The following DUOXA1 variants were observed in gnomAD, a reference collection of about 807,000 sequenced individuals.
DUOXA1 encodes dual oxidase maturation factor 1.
DUOXA1 carries 19 observed loss-of-function variants against 26.6 expected under a neutral mutation model. The observed-to-expected ratio is 0.71, with a 90% CI of 0.50 to 1.05. The LOEUF (loss-of-function observed/expected upper bound fraction) is 1.05, where lower values mean the gene tolerates loss of function less well. Among genes scored for constraint, DUOXA1 ranks in the 50% least tolerant of loss-of-function variants. DUOXA1 has a pLI of 0.00. For missense variants in DUOXA1, 403 were observed against 427.5 expected, an observed-to-expected ratio of 0.94 and a Z score of 0.51; for synonymous variants, 166 against 177.0, an observed-to-expected ratio of 0.94 and a Z score of 0.49.
chr15:45,127,395 C>T (rs578052767), intron 3 of DUOXA1, among the ~76,000 whole-genome samples: 6 of 152,226 alleles, frequency 3.9e-5, no homozygotes, highest in East Asian at 1.9e-4. Context: ...AAAGGCTTTT[C>T]GTATTTTAAG....
In DUOXA1 at chr15:45,120,694, G is replaced by A; in HGVS notation, c.452C>T (p.Pro151Leu). ...EYAKALEKGL[P>L]DPVLYLAEKF... is the part of the protein sequence containing the mutation. ...CTCAGCTAGGTACAACACAGGGTCT[G>A]GCAGCCCCTTCTCCAGAGCCTTTGC... is the stretch of plus-strand genomic sequence containing the variant. Residue 151 changes from proline to leucine, a missense_variant, in exon 7 of 9, where the codon CCA becomes CTA. Coordinates refer to ENST00000560572, the MANE Select transcript of DUOXA1 (RefSeq NM_001276266.2). The A allele has an allele frequency of 6.2e-7, 1 of 1,614,132 alleles. No individual in the cohort carries two copies. The highest frequency in any genetic ancestry group is 8.5e-7 in the Non-Finnish European group (1 of 1,180,010).
At position 45,118,717 on chromosome 15, in the gene DUOXA1, G is replaced by A; in HGVS notation, c.*389C>T. 1.8e-5 allele frequency: 18 copies of A among 1,002,598 alleles called. No individual in the cohort carries two copies. Among genetic ancestry groups the A allele is most frequent in the Non-Finnish European group, 2.1e-5 (18 of 841,924 alleles). 62.1% of individuals were successfully genotyped at this position (1,002,598 alleles called of 1,614,324 possible). On this transcript the variant is annotated 3_prime_UTR_variant, in exon 9 of 9. Transcript: ENST00000560572. ...GAAAAAGGAAAACAAGAGGTGCCGA[G>A]GGATGAGAGGAAACCATAGGAGAAT... is the stretch of plus-strand genomic sequence containing the variant.
At chr15:45,124,767 C>T (rs1438778092) in intron 3 of DUOXA1, among the ~76,000 whole-genome samples, 2 of 152,174 alleles carry the variant, frequency 1.3e-5, no homozygotes, top group Non-Finnish European at 2.9e-5. Flanking sequence ...CCATCCTTGG[C>T]CTCCCAAAGT....
intron 3 of DUOXA1, among the ~76,000 whole-genome samples, chr15:45,128,342 C>T (rs1414441765): frequency 2.6e-5 from 4 of 152,198 alleles, no homozygotes; most frequent in Non-Finnish European, 4.4e-5. Context: ...GCCCACCTCC[C>T]CCATCTGCTG....
At position 45,118,309 on chromosome 15, in the gene DUOXA1, G is replaced by A. The variant is rs1894824320; in HGVS notation, c.*797C>T. ...CTAGCATCTTTCTGAACCACCCCAG[G>A]GGGACGTTAGGTGGCAGTGATGAGG... On this transcript the variant is annotated 3_prime_UTR_variant, in exon 9 of 9. Coordinates refer to ENST00000560572, the MANE Select transcript of DUOXA1 (RefSeq NM_001276266.2). 1 of 1,258,590 alleles carries A rather than the reference G, an allele frequency of 7.9e-7. No homozygotes were observed. The highest frequency in any genetic ancestry group is 1.0e-6 in the Non-Finnish European group (1 of 1,001,384). The allele number at this position is 1,258,590 out of a possible 1,614,324, so 78.0% of individuals were successfully genotyped here. A position where few individuals can be genotyped will look rare whatever the true frequency, so the allele number is the denominator to read the frequency against.
At position 45,118,478 on chromosome 15, in the gene DUOXA1, CAAGGCATAGAAAG is replaced by C. The variant is rs905465121; in HGVS notation, c.*615_*627del. 9.9e-7 allele frequency: 1 copy of C among 1,005,130 alleles called. No homozygotes were observed. The highest frequency in any genetic ancestry group is 5.5e-5 in the Admixed American group (1 of 18,104). The allele number at this position is 1,005,130 out of a possible 1,614,324, so 62.3% of individuals were successfully genotyped here. On this transcript the variant is annotated 3_prime_UTR_variant, in exon 9 of 9. Transcript: ENST00000560572. ...GTTTGAGGGCCAAGGTAGGTGTCAG[CAAGGCATAGAAAG>C]ATAAATCCCAAGATTCTTGGCAAGT...
rs535825448 is a variant in DUOXA1, at chr15:45,117,660, G to A, written c.*1446C>T. On this transcript the variant is annotated 3_prime_UTR_variant, in exon 9 of 9. Coordinates refer to ENST00000560572, the MANE Select transcript of DUOXA1 (RefSeq NM_001276266.2). The stretch of plus-strand genomic sequence containing the variant: ...GAGGCCAGAGTTCGAGACCAGCCTG[G>A]GCAACATAGCCCTGACTCCACATGC... 3.4e-5 allele frequency: 55 copies of A among 1,613,668 alleles called. No individual in the cohort carries two copies. Among genetic ancestry groups the A allele is most frequent in the Non-Finnish European group, 4.3e-5 (51 of 1,179,912 alleles).
rs1894881512 is a variant in DUOXA1 at position 45,119,019 on chromosome 15, C to T, written c.*87G>A. Reference sequence around the variant, plus strand: ...GTGCTGGGTGTCTGGTAACAGCCACCCTGAGGGCAGTTCTGCTGGTTTTAT... The same window carrying T: ...GTGCTGGGTGTCTGGTAACAGCCACTCTGAGGGCAGTTCTGCTGGTTTTAT... On this transcript the variant is annotated 3_prime_UTR_variant, in exon 9 of 9. Transcript: ENST00000560572. 1 of 1,500,048 alleles carries T rather than the reference C, an allele frequency of 6.7e-7. No homozygotes were observed. The highest frequency in any genetic ancestry group is 8.9e-7 in the Non-Finnish European group (1 of 1,124,198). 92.9% of individuals were successfully genotyped at this position (1,500,048 alleles called of 1,614,324 possible).
In DUOXA1 at chr15:45,118,107, CTG is replaced by C; in HGVS notation, c.*997_*998del. The C allele has an allele frequency of 6.7e-7, 1 of 1,486,592 alleles. No homozygotes were observed. The highest frequency in any genetic ancestry group is 1.4e-5 in the African/African-American group (1 of 71,020). 92.1% of individuals were successfully genotyped at this position (1,486,592 alleles called of 1,614,324 possible). A position where few individuals can be genotyped will look rare whatever the true frequency, so the allele number is the denominator to read the frequency against. ...CTTTTTTTCTTTTGTTTTTTAAAAA[CTG>C]TTTTTCCCATTAATTTTCATGGCTT... is the stretch of plus-strand genomic sequence containing the variant. On this transcript the variant is annotated 3_prime_UTR_variant, in exon 9 of 9. Coordinates refer to ENST00000560572, the MANE Select transcript of DUOXA1 (RefSeq NM_001276266.2).
chr15:45,117,775 G>T lies in DUOXA1; in HGVS notation c.*1331C>A, dbSNP rs746815709. ...GAGTCTCCAGTATGTTCGGCCCAGC[G>T]CTCTTCGCACCCTTCTGGACCAAAG... On this transcript the variant is annotated 3_prime_UTR_variant, in exon 9 of 9. Transcript: ENST00000560572. The T allele has an allele frequency of 1.9e-6, 3 of 1,613,892 alleles. No individual in the cohort carries two copies. The East Asian group carries it at 6.7e-5, about 36-fold the overall frequency.
rs1894884217 is a variant in DUOXA1 at position 45,119,051 on chromosome 15, C to T, written c.*55G>A. 3.3e-6 allele frequency: 5 copies of T among 1,527,084 alleles called. No individual in the cohort carries two copies. Among genetic ancestry groups the T allele is most frequent in the Admixed American group, 2.0e-5 (1 of 50,498 alleles). The allele number at this position is 1,527,084 out of a possible 1,614,324, so 94.6% of individuals were successfully genotyped here. On this transcript the variant is annotated 3_prime_UTR_variant, in exon 9 of 9. Transcript: ENST00000560572. ...GCAGTTCTGCTGGTTTTATGGGGCG[C>T]CAATGAGGTTTGGAGCCAGACTGGA...
rs758651908 is a variant in DUOXA1, at chr15:45,117,545, A to G, written c.*1561T>C. On this transcript the variant is annotated 3_prime_UTR_variant, in exon 9 of 9. Transcript: ENST00000560572. ...TTAGAGGTGTGTGGCGGGAGGTAAC[A>G]CAAGGGGTAGGCTCCAAAAGATGGA... The G allele has an allele frequency of 5.1e-6, 8 of 1,571,736 alleles. No homozygotes were observed. The highest frequency in any genetic ancestry group is 6.9e-6 in the Non-Finnish European group (8 of 1,157,698).
rs557659071 is a variant in DUOXA1, at chr15:45,120,799, G to T, written c.347C>A (p.Pro116His). The stretch of plus-strand genomic sequence containing the variant: ...GATGGTCTCATTCAGCTGCTGCACG[G>T]GGGTCCCTAGGGCACAAGGCAGCTC... ...GGVNITLTGT[P>H]VQQLNETINY... Residue 116 changes from proline (P) to histidine (H), a missense_variant, in exon 7 of 9, where the codon CCC becomes CAC. Physicochemically the swap from Pro to His is moderately conservative, Grantham distance 77. Transcript: ENST00000560572. 2.5e-6 allele frequency: 4 copies of T among 1,614,050 alleles called. No homozygotes were observed. In the South Asian group the frequency reaches 3.3e-5, roughly 13 times the overall value.
At chr15:45,121,301 G>C in intron 5 of DUOXA1, 80 bp from the exon 6 acceptor site, 1 of 1,600,714 alleles carries the variant, frequency 6.2e-7, no homozygotes, top group Non-Finnish European at 8.5e-7. Context: ...AGAAATACAA[G>C]GGGTCCATGT....
At chr15:45,126,594 G>A (rs891046814) in intron 3 of DUOXA1, among the ~76,000 whole-genome samples, 1 of 152,202 alleles carries the variant, frequency 6.6e-6, no homozygotes, top group African/African-American at 2.4e-5. Context: ...CTGAACATCT[G>A]TCTCCCAATT....
At chr15:45,125,465 G>A (rs921746274) in intron 3 of DUOXA1, among the ~76,000 whole-genome samples, 5 of 152,060 alleles carry the variant, frequency 3.3e-5, no homozygotes, top group Non-Finnish European at 7.3e-5. Flanking sequence ...CTCTATTCCT[G>A]TCACAGCCAG....
rs780079788 is a variant in DUOXA1, at chr15:45,121,064, C to T, written c.340+23G>A. ...AAGATGGCAGAGCCTTCCCCCCCAC[C>T]ACAGGTAAGAGCCCTCCCTCACCTG... On this transcript the variant is annotated intron_variant, in intron 6 of 8. Coordinates refer to ENST00000560572, the MANE Select transcript of DUOXA1 (RefSeq NM_001276266.2). 2.5e-6 allele frequency: 4 copies of T among 1,613,884 alleles called. No individual in the cohort carries two copies. In the East Asian group the frequency reaches 6.7e-5, roughly 27 times the overall value.
In DUOXA1 at chr15:45,123,932, G is replaced by T. The variant is rs531565980; in HGVS notation, c.-29-889C>A. ...AGTTAAATCTCAGACAGAATGGATT[G>T]CATGACACACTACTATTTTAGCACA... On this transcript the variant is annotated intron_variant, in intron 3 of 8. Coordinates refer to ENST00000560572, the MANE Select transcript of DUOXA1 (RefSeq NM_001276266.2). Among the ~76,000 whole-genome samples, 6 of 152,234 alleles carry T rather than the reference G, an allele frequency of 3.9e-5. No homozygotes were observed. In the South Asian group the frequency reaches 1.2e-3, roughly 32 times the overall value.
chr15:45,121,374 A>C lies in DUOXA1; in HGVS notation c.206-153T>G, dbSNP rs191878225. Among the ~76,000 whole-genome samples the C allele has an allele frequency of 1.2e-3, 180 of 152,350 alleles. 1 individual carries two copies. Among genetic ancestry groups the C allele is most frequent in the African/African-American group, 4.3e-3 (177 of 41,588 alleles). ...GGGTCTGGCTCATGGTAAGTCTGCC[A>C]ACCACATGTGTGGGATTTCCCTTGG... On this transcript the variant is annotated intron_variant, in intron 5 of 8. Coordinates refer to ENST00000560572, the MANE Select transcript of DUOXA1 (RefSeq NM_001276266.2).
Sources: allele counts gnomAD v4.1 joint callset (sites outside exome capture counted in the v4.1 genomes callset), GRCh38; gene constraint gnomAD v4.1.1; transcripts MANE v1.5; gene names NCBI Gene and HGNC (gene_info 2026-07-23, HGNC 2026-07-21).